The following EPB41 variants were observed in gnomAD, a reference collection of about 807,000 sequenced individuals.
EPB41 encodes erythrocyte membrane protein band 4.1.
In EPB41, 65 loss-of-function variants were observed where a neutral mutation model predicts 108.0. The observed-to-expected ratio is 0.60, with a 90% confidence interval of 0.49 to 0.74. The LOEUF is 0.74. Ranked by LOEUF, EPB41 falls within the 30% of genes least tolerant of loss-of-function variation. The pLI is 0.00. For synonymous variants in EPB41, 336 were observed against 358.9 expected (o/e 0.94, Z 0.72); for missense variants, 875 against 1,037.0 (o/e 0.84, Z 2.15).
intron 2 of EPB41, among the ~76,000 whole-genome samples, chr1:28,990,086 C>G (rs1295302530): frequency 1.3e-5 from 2 of 151,894 alleles, no homozygotes; most frequent in African/African-American, 2.4e-5. Flanking sequence ...GAAACCCTGT[C>G]TCTACAAAAA....
rs1640622552 is a variant in EPB41 at position 29,039,248 on chromosome 1, C to T, written c.1464-6C>T. Reference sequence around the variant, plus strand: ...AATAATATGACTATTACGATTTTCCCCCCAGATTGACATCTACAGACACCA... The same window carrying T: ...AATAATATGACTATTACGATTTTCCTCCCAGATTGACATCTACAGACACCA... On this transcript the variant is annotated splice_region_variant and splice_polypyrimidine_tract_variant and intron_variant, in intron 10 of 20. Coordinates refer to ENST00000343067, the MANE Select transcript of EPB41 (RefSeq NM_001376013.1). 6.2e-7 allele frequency: 1 copy of T among 1,613,182 alleles called. No individual in the cohort carries two copies. Among genetic ancestry groups the T allele is most frequent in the Non-Finnish European group, 8.5e-7 (1 of 1,179,698 alleles).
chr1:29,015,768 G>A lies in EPB41; in HGVS notation c.905+1G>A. ...CACAGTTAACAGAAGACATAACAAG[G>A]TAAATAAGTAATAGTTAAATATGTA... On this transcript the variant is annotated splice_donor_variant, in intron 6 of 20. Coordinates refer to ENST00000343067, the MANE Select transcript of EPB41 (RefSeq NM_001376013.1). LOFTEE classifies it high-confidence loss of function. 1 of 1,557,228 alleles carries A rather than the reference G, an allele frequency of 6.4e-7. No homozygotes were observed. The highest frequency in any genetic ancestry group is 8.9e-7 in the Non-Finnish European group (1 of 1,129,330).
upstream of EPB41, among the ~76,000 whole-genome samples, chr1:28,909,794 C>T (rs185793849): frequency 2.9e-3 from 432 of 150,002 alleles, 3 homozygotes; most frequent in African/African-American, 0.01. Flanking sequence ...GAGATCTTGT[C>T]TCAAAAATAG....
At chr1:28,891,842 A>G (rs1019813135) in intron 1 of EPB41, among the ~76,000 whole-genome samples, 2 of 152,120 alleles carry the variant, frequency 1.3e-5, no homozygotes, top group African/African-American at 4.8e-5. Context: ...TAATCCCAGC[A>G]TTTTGGGAGG....
intron 1 of EPB41, among the ~76,000 whole-genome samples, chr1:28,929,230 ATT>A (rs543860349): frequency 2.8e-5 from 4 of 141,374 alleles, no homozygotes; most frequent in Admixed American, 7.1e-5. Context: ...AATTTTTACT[ATT>A]TTTTTTTTTT....
rs748280138 is a variant in EPB41, at chr1:29,033,197, G to T, written c.1317G>T (p.Lys439Asn). The T allele has an allele frequency of 1.9e-6, 3 of 1,613,978 alleles. No homozygotes were observed. The highest frequency in any genetic ancestry group is 2.5e-6 in the Non-Finnish European group (3 of 1,179,920). The change falls in exon 9 of 21, where the codon AAG (lysine) becomes AAT (asparagine). Residue 439 changes from lysine (K) to asparagine (N), a missense_variant. Coordinates refer to ENST00000343067, the MANE Select transcript of EPB41 (RefSeq NM_001376013.1). ...INRFPWPKVL[K>N]ISYKRSSFFI... Reference sequence around the variant, plus strand: ...GCTTCCCTTGGCCCAAAGTGCTGAAGATTTCTTATAAACGTAGTAGCTTTT... The same window carrying T: ...GCTTCCCTTGGCCCAAAGTGCTGAATATTTCTTATAAACGTAGTAGCTTTT...
intron 20 of EPB41, among the ~76,000 whole-genome samples, chr1:29,116,465 T>C (rs548606254): frequency 3.9e-5 from 6 of 152,120 alleles, no homozygotes; most frequent in South Asian, 4.1e-4. Flanking sequence ...GTCACAGGTA[T>C]CTTTGAGCCA....
At chr1:28,944,434 T>G (rs1231067515) in intron 1 of EPB41, among the ~76,000 whole-genome samples, 1 of 152,112 alleles carries the variant, frequency 6.6e-6, no homozygotes, top group Non-Finnish European at 1.5e-5. Flanking sequence ...ATGATGTGCT[T>G]CTTTCATTTT....
chr1:29,039,278 C>G lies in EPB41; in HGVS notation c.1488C>G (p.Pro496=). The G allele has an allele frequency of 6.2e-7, 1 of 1,613,982 alleles. No individual in the cohort carries two copies. Among genetic ancestry groups the G allele is most frequent in the African/African-American group, 1.3e-5 (1 of 75,008 alleles). The part of the protein sequence containing the change: ...FFRLTSTDTI[P]KSKFLALGSK... ...GATTGACATCTACAGACACCATTCC[C>G]AAAAGCAAATTTCTTGCGCTAGGAT... The change falls in exon 11 of 21, where the codon CCC becomes CCG. Residue 496 remains proline, a synonymous_variant. Coordinates refer to ENST00000343067, the MANE Select transcript of EPB41 (RefSeq NM_001376013.1).
chr1:28,888,757 A>G (rs2089757098), intron 1 of EPB41, among the ~76,000 whole-genome samples: 1 of 152,038 alleles, frequency 6.6e-6, no homozygotes, highest in South Asian at 2.1e-4. Flanking sequence ...CCTCCCGAGT[A>G]GCTGGGATTA....
intron 14 of EPB41, among the ~76,000 whole-genome samples, chr1:29,059,584 T>A (rs1305195641): frequency 1.3e-5 from 2 of 151,996 alleles, no homozygotes; most frequent in Admixed American, 6.6e-5. Flanking sequence ...AAGACCAGCC[T>A]GGGCAACATA....
At chr1:28,903,486 G>A (rs1239517229) in intron 1 of EPB41, among the ~76,000 whole-genome samples, 6 of 151,618 alleles carry the variant, frequency 4.0e-5, no homozygotes, top group Non-Finnish European at 7.4e-5. Context: ...TGCCACACCC[G>A]GCTAATTTTT....
intron 1 of EPB41, among the ~76,000 whole-genome samples, chr1:28,927,712 C>A (rs2093528125): frequency 6.6e-6 from 1 of 151,982 alleles, no homozygotes; most frequent in South Asian, 2.1e-4. Flanking sequence ...TCTGGCTGAA[C>A]AATTTTCTAT....
intron 1 of EPB41, among the ~76,000 whole-genome samples, chr1:28,929,233 T>G (rs2093606518): frequency 6.6e-6 from 1 of 151,432 alleles, no homozygotes; most frequent in Non-Finnish European, 1.5e-5. Context: ...TTTTACTATT[T>G]TTTTTTTTTT....
rs536879971 is a variant in EPB41, at chr1:28,905,287, G to A, written c.-8+18077G>A. Among the ~76,000 whole-genome samples the A allele has an allele frequency of 2.0e-5, 3 of 151,742 alleles. No homozygotes were observed. The East Asian group carries it at 5.9e-4, about 30-fold the overall frequency. Reference sequence around the variant, plus strand: ...CCAGGCAAGTGGATCACTTGAGGTTGGGAGTTTGAGACCAGCCTGGCCAAC... The same window carrying A: ...CCAGGCAAGTGGATCACTTGAGGTTAGGAGTTTGAGACCAGCCTGGCCAAC... On this transcript the variant is annotated intron_variant, in intron 1 of 16. Coordinates refer to the EPB41 transcript ENST00000347529.
At chr1:28,944,580 A>G (rs1424752282) in intron 1 of EPB41, among the ~76,000 whole-genome samples, 1 of 120,966 alleles carries the variant, frequency 8.3e-6, no homozygotes, top group African/African-American at 3.2e-5. Context: ...TCTGTCACCC[A>G]GGCTGGAATG....
chr1:28,917,656 C>G (rs1204367175), intron 1 of EPB41, among the ~76,000 whole-genome samples: 1 of 152,022 alleles, frequency 6.6e-6, no homozygotes, highest in Non-Finnish European at 1.5e-5. Flanking sequence ...TCCTGGCTCA[C>G]TGCCGCCTTG....
At chr1:28,902,494 T>A in intron 1 of EPB41, 1 of 654,230 alleles carries the variant, frequency 1.5e-6, no homozygotes, top group Non-Finnish European at 1.9e-6. Flanking sequence ...CAGCTTCCTC[T>A]GGAACTTTCC....
At chr1:29,006,680 C>G (rs1403361620) in intron 4 of EPB41, among the ~76,000 whole-genome samples, 4 of 152,142 alleles carry the variant, frequency 2.6e-5, no homozygotes, top group African/African-American at 9.6e-5. Context: ...CTCCCCACTC[C>G]CCATCAAAAG....
Sources: allele counts gnomAD v4.1 joint callset (sites outside exome capture counted in the v4.1 genomes callset), GRCh38; gene constraint gnomAD v4.1.1; transcripts MANE v1.5; gene names NCBI Gene and HGNC (gene_info 2026-07-23, HGNC 2026-07-21).